The following STX18 variants were observed in gnomAD, a reference collection of about 807,000 sequenced individuals.
STX18 encodes the protein syntaxin 18, also known as syntaxin-18.
A neutral mutation model predicts 50.1 loss-of-function variants in STX18; 40 were observed. That is an observed-to-expected ratio of 0.80 (90% CI 0.62 to 1.04). STX18 has a LOEUF of 1.04. Among genes scored for constraint, STX18 ranks in the 50% least tolerant of loss-of-function variants. The probability of loss-of-function intolerance (pLI) is 0.00; values close to 1 mark genes in which losing one functional copy is unlikely to be tolerated. For synonymous variants in STX18, 158 were observed against 151.8 expected (o/e 1.04, Z -0.30); for missense variants, 410 against 415.8 (o/e 0.99, Z 0.12).
chr4:4,465,497 A>G (rs1727574811), intron 2 of STX18, among the ~76,000 whole-genome samples: 1 of 152,220 alleles, frequency 6.6e-6, no homozygotes, highest in Non-Finnish European at 1.5e-5. Flanking sequence ...CAGCAAACTA[A>G]CGTAAGAACA....
intron 1 of STX18, among the ~76,000 whole-genome samples, chr4:4,526,554 C>CCCAATATA (rs1171996578): frequency 1.3e-5 from 2 of 152,294 alleles, no homozygotes; most frequent in Non-Finnish European, 2.9e-5. Context: ...AACCAATCCT[C>CCCAATATA]CCAATATACG....
intron 9 of STX18, among the ~76,000 whole-genome samples, chr4:4,423,195 G>A (rs985195192): frequency 2.0e-5 from 3 of 152,196 alleles, no homozygotes; most frequent in Non-Finnish European, 4.4e-5. Flanking sequence ...TGTAGCTTGT[G>A]GGGGCTACCT....
At chr4:4,423,442 G>T in intron 9 of STX18, 76 bp downstream of exon 9, 1 of 1,449,736 alleles carries the variant, frequency 6.9e-7, no homozygotes, top group Non-Finnish European at 9.6e-7. Flanking sequence ...GCAGCCTTTG[G>T]GAAAAATGTC....
chr4:4,508,221 GT>G (rs1360922669), intron 1 of STX18, among the ~76,000 whole-genome samples: 2 of 152,082 alleles, frequency 1.3e-5, no homozygotes, highest in Non-Finnish European at 2.9e-5. Context: ...CTTTGTTTTT[GT>G]TTTTTGTCTG....
At chr4:4,450,055 A>G (rs1726666008) in intron 5 of STX18, among the ~76,000 whole-genome samples, 1 of 152,180 alleles carries the variant, frequency 6.6e-6, no homozygotes. Context: ...AGAAGACAAG[A>G]TCTGAGTGCT....
intron 1 of STX18, among the ~76,000 whole-genome samples, chr4:4,528,437 G>A (rs1730910076): frequency 6.6e-6 from 1 of 151,994 alleles, no homozygotes; most frequent in Admixed American, 6.6e-5. Context: ...CTCTCTTCTT[G>A]TTCTCTCTCA....
intron 5 of STX18, among the ~76,000 whole-genome samples, chr4:4,446,820 T>G (rs2108801890): frequency 6.6e-6 from 1 of 152,242 alleles, no homozygotes; most frequent in South Asian, 2.1e-4. Flanking sequence ...AAAAGATAGA[T>G]CCACACAAAG....
At chr4:4,444,656 T>C (rs993328533) in intron 5 of STX18, among the ~76,000 whole-genome samples, 1 of 152,248 alleles carries the variant, frequency 6.6e-6, no homozygotes, top group Non-Finnish European at 1.5e-5. Flanking sequence ...TCTTTCACTA[T>C]AATATACTGT....
intron 7 of STX18, among the ~76,000 whole-genome samples, chr4:4,426,811 G>A (rs1577311301): frequency 6.6e-6 from 1 of 152,116 alleles, no homozygotes; most frequent in African/African-American, 2.4e-5. Flanking sequence ...AATGCCTCAT[G>A]GTGGCCTTGC....
intron 1 of STX18, among the ~76,000 whole-genome samples, chr4:4,522,936 A>C (rs1577399600): frequency 6.6e-6 from 1 of 152,232 alleles, no homozygotes; most frequent in Admixed American, 6.5e-5. Flanking sequence ...AGAGACAGAA[A>C]TGTACAAACA....
chr4:4,443,624 T>C (rs546059146), intron 5 of STX18, among the ~76,000 whole-genome samples: 208 of 152,340 alleles, frequency 1.4e-3, no homozygotes, highest in Non-Finnish European at 2.2e-3. Context: ...CATATCTTCA[T>C]GAACATAAAA....
At chr4:4,500,879 A>G (rs989654770) in intron 1 of STX18, among the ~76,000 whole-genome samples, 1 of 152,118 alleles carries the variant, frequency 6.6e-6, no homozygotes, top group Admixed American at 6.5e-5. Flanking sequence ...CTACTAAAAA[A>G]TACAAAAATT....
chr4:4,512,903 ACT>A (rs1233309594), intron 1 of STX18, among the ~76,000 whole-genome samples: 1 of 152,004 alleles, frequency 6.6e-6, no homozygotes, highest in Non-Finnish European at 1.5e-5. Context: ...TTAACATGCG[ACT>A]CTGCCTCAGT....
Position 4,420,177 on chromosome 4 carries a change from T to C in STX18, c.913-48A>G. ...GTGTTTTTATCACACAGGATTTTGG[T>C]TTGAGCAGCCCTGAAATGCCCCCCT... On this transcript the variant is annotated intron_variant, in intron 10 of 10. Coordinates refer to ENST00000306200, the MANE Select transcript of STX18 (RefSeq NM_016930.4). This position sits in a 1 kb window ranked among gnomAD's most constrained non-coding sequence, Gnocchi z 4.3. 6.6e-7 allele frequency: 1 copy of C among 1,516,222 alleles called. No homozygotes were observed. The highest frequency in any genetic ancestry group is 9.0e-7 in the Non-Finnish European group (1 of 1,113,880). 93.9% of individuals were successfully genotyped at this position (1,516,222 alleles called of 1,614,324 possible).
At chr4:4,445,962 T>C (rs1460785814) in intron 5 of STX18, among the ~76,000 whole-genome samples, 2 of 152,312 alleles carry the variant, frequency 1.3e-5, no homozygotes, top group East Asian at 3.9e-4. Context: ...CAAGACAGTG[T>C]GGCAGTAGCA....
chr4:4,443,896 C>T (rs977829798), intron 5 of STX18, among the ~76,000 whole-genome samples: 1 of 152,232 alleles, frequency 6.6e-6, no homozygotes, highest in Non-Finnish European at 1.5e-5. Context: ...AAAGGGATGA[C>T]TCAGCAGGTT....
intron 6 of STX18, among the ~76,000 whole-genome samples, 193 bp downstream of exon 6, chr4:4,438,200 AC>A (rs1305789926): frequency 6.6e-6 from 1 of 152,168 alleles, no homozygotes; most frequent in Non-Finnish European, 1.5e-5. Context: ...GGGTGAATGC[AC>A]CCCCTGCCTC....
chr4:4,430,615 G>A (rs954618171), intron 7 of STX18, among the ~76,000 whole-genome samples: 4 of 152,180 alleles, frequency 2.6e-5, no homozygotes, highest in Admixed American at 6.5e-5. Context: ...ACAATGACTC[G>A]GGACAGTGGA....
intron 1 of STX18, among the ~76,000 whole-genome samples, chr4:4,537,631 T>C (rs773117732): frequency 5.3e-5 from 8 of 152,174 alleles, no homozygotes; most frequent in Non-Finnish European, 7.3e-5. Flanking sequence ...TTTGTTCAGG[T>C]TAATTTACAT....
Sources: allele counts gnomAD v4.1 joint callset (sites outside exome capture counted in the v4.1 genomes callset), GRCh38; gene constraint gnomAD v4.1.1; non-coding constraint Gnocchi (gnomAD v3.1); transcripts MANE v1.5; gene names NCBI Gene and HGNC (gene_info 2026-07-23, HGNC 2026-07-21).